KHDC1: variants seen among roughly 807,000 people sequenced by gnomAD.
The protein encoded by KHDC1 is KH homology domain-containing protein 1.
KHDC1 carries 21 observed loss-of-function variants against 24.7 expected under a neutral mutation model. The observed-to-expected ratio is 0.85, with a 90% CI of 0.60 to 1.23. The LOEUF (loss-of-function observed/expected upper bound fraction) is 1.23. Among genes scored for constraint, KHDC1 ranks in the 50% most tolerant of loss-of-function variants. The pLI is 0.00. For missense variants in KHDC1, 274 were observed against 298.5 expected (o/e 0.92, Z 0.61); for synonymous variants, 98 against 111.7 (o/e 0.88, Z 0.77).
chr6:73,251,079 G>A (rs545466110), intron 2 of KHDC1, among the ~76,000 whole-genome samples: 170 of 152,092 alleles, frequency 1.1e-3, no homozygotes, highest in African/African-American at 3.6e-3. Flanking sequence ...TGCCCGCCTC[G>A]GCCTCCCAAA....
intron 2 of KHDC1, among the ~76,000 whole-genome samples, chr6:73,271,703 G>A (rs1304072832): frequency 6.6e-6 from 1 of 150,728 alleles, no homozygotes; most frequent in Non-Finnish European, 1.5e-5. Flanking sequence ...AGACCAGCCT[G>A]GCCAACATGG....
chr6:73,245,435 G>A (rs1351553641), intron 2 of KHDC1, among the ~76,000 whole-genome samples: 1 of 152,150 alleles, frequency 6.6e-6, no homozygotes, highest in African/African-American at 2.4e-5. Context: ...TTAAAAGCTA[G>A]ATGCATCAAA....
chr6:73,291,999 T>A, exon 2 of KHDC1: 1 of 1,613,978 alleles, frequency 6.2e-7, no homozygotes. Context: ...ATCACGCACC[T>A]TTTGGATCGG....
intron 2 of KHDC1, 152 bp from the exon 1 acceptor site, chr6:73,263,348 G>A (rs1449353093): frequency 1.1e-6 from 1 of 922,926 alleles, no homozygotes; most frequent in Non-Finnish European, 1.3e-6. Flanking sequence ...AAGGGTGGGA[G>A]GAGGGACGAG....
intron 2 of KHDC1, among the ~76,000 whole-genome samples, chr6:73,289,533 C>T (rs918882396): frequency 2.6e-5 from 4 of 151,834 alleles, no homozygotes; most frequent in Non-Finnish European, 4.4e-5. Flanking sequence ...TGCCTGTAAT[C>T]CCAGCTACTC....
rs115837376 is a variant in KHDC1, at chr6:73,303,529, C to A, written c.163+6023G>T. Among the ~76,000 whole-genome samples, 662 of 152,308 alleles carry A rather than the reference C, an allele frequency of 4.3e-3. 7 individuals carry two copies. Among genetic ancestry groups the A allele is most frequent in the African/African-American group, 0.015 (644 of 41,558 alleles). On this transcript the variant is annotated intron_variant, in intron 1 of 4. Coordinates refer to ENST00000370384, the Ensembl canonical transcript of KHDC1. The stretch of plus-strand genomic sequence containing the variant: ...ACAAGTTTTCAGTAAAGAACACAAG[C>A]AATTTCCTAGCCAAGTGATCAAAAT...
At position 73,264,042 on chromosome 6, in the gene KHDC1, T is replaced by A. The variant is rs910747241; in HGVS notation, c.207-21512A>T. Among the ~76,000 whole-genome samples, 9 of 152,142 alleles carry A rather than the reference T, an allele frequency of 5.9e-5. 1 individual carries two copies. Among genetic ancestry groups the A allele is most frequent in the African/African-American group, 1.9e-4 (8 of 41,504 alleles). On this transcript the variant is annotated intron_variant, in intron 2 of 4. Coordinates refer to ENST00000370384, the Ensembl canonical transcript of KHDC1. ...AGGGAGAACTTGTCTCTACAAAAAA[T>A]TTAAAAATCAGCTGGGCATGGTGGT...
chr6:73,257,535 A>T (rs989513387), intron 2 of KHDC1, among the ~76,000 whole-genome samples: 2 of 152,034 alleles, frequency 1.3e-5, no homozygotes, highest in Non-Finnish European at 2.9e-5. Flanking sequence ...AGTAGCTGGG[A>T]CTACAGGTGC....
intron 2 of KHDC1, among the ~76,000 whole-genome samples, chr6:73,267,845 T>G (rs926116751): frequency 1.8e-4 from 27 of 152,064 alleles, no homozygotes; most frequent in African/African-American, 6.3e-4. Context: ...TCAGCCTTTT[T>G]TTTTTTCTGA....
At chr6:73,309,814 C>A in exon 1 of KHDC1, 2 of 1,399,128 alleles carry the variant, frequency 1.4e-6, no homozygotes, top group Non-Finnish European at 1.9e-6. Context: ...GACCAGACAC[C>A]GACGGAGAAG....
chr6:73,274,087 A>G (rs1275608605), intron 2 of KHDC1: 1 of 152,250 alleles, frequency 6.6e-6, no homozygotes, highest in Non-Finnish European at 1.5e-5. Context: ...CCTGGGTGAC[A>G]GAGTGAGACC....
At chr6:73,273,632 C>T (rs62438233) in intron 2 of KHDC1, among the ~76,000 whole-genome samples, 41,785 of 150,836 alleles carry the variant, frequency 0.28, 6,398 homozygotes, top group African/African-American at 0.41. Flanking sequence ...CTGGCTAACA[C>T]GGTGAAACCC....
rs553948151 is a variant in KHDC1 at position 73,256,817 on chromosome 6, C to T, written c.207-14287G>A. On this transcript the variant is annotated intron_variant, in intron 2 of 4. Coordinates refer to ENST00000370384, the Ensembl canonical transcript of KHDC1. ...GTCTAACTAGTAAATGGAGTTTGAA[C>T]TGGAACCCAACTCTCCTCATGCTAA... Among the ~76,000 whole-genome samples, 98 of 152,312 alleles carry T rather than the reference C, an allele frequency of 6.4e-4. 1 individual carries two copies. The highest frequency in any genetic ancestry group is 2.2e-3 in the African/African-American group (92 of 41,568).
intron 2 of KHDC1, among the ~76,000 whole-genome samples, chr6:73,252,636 C>G (rs1435308840): frequency 6.6e-6 from 1 of 151,712 alleles, no homozygotes; most frequent in Non-Finnish European, 1.5e-5. Flanking sequence ...CATGGCAAAA[C>G]CCCATTTCTT....
At chr6:73,246,637 A>G (rs1188515026) in intron 2 of KHDC1, among the ~76,000 whole-genome samples, 1 of 152,220 alleles carries the variant, frequency 6.6e-6, no homozygotes, top group Non-Finnish European at 1.5e-5. Flanking sequence ...CTTAACAGTT[A>G]TATGCCAGTC....
intron 1 of KHDC1, among the ~76,000 whole-genome samples, chr6:73,302,648 T>C (rs138412446): frequency 3.2e-4 from 49 of 152,374 alleles, no homozygotes; most frequent in African/African-American, 1.1e-3. Flanking sequence ...ACCATTCTGA[T>C]GGTTACGACG....
exon 1 of KHDC1, chr6:73,309,762 G>A (rs1205626822): frequency 1.3e-6 from 2 of 1,534,112 alleles, no homozygotes; most frequent in Non-Finnish European, 8.8e-7. Flanking sequence ...GGCACGAGTA[G>A]TACAGCTCCT....
chr6:73,276,485 T>A, intron 2 of KHDC1: 1 of 127,898 alleles, frequency 7.8e-6, no homozygotes, highest in African/African-American at 2.8e-5. Context: ...AAACTTCATC[T>A]CAAAAAAAGA....
chr6:73,267,064 C>T (rs1448726570), intron 2 of KHDC1, among the ~76,000 whole-genome samples: 3 of 152,048 alleles, frequency 2.0e-5, no homozygotes, highest in Non-Finnish European at 4.4e-5. Flanking sequence ...GACATTTCTC[C>T]AAAGACGATA....
Sources: gnomAD v4.1 joint callset for allele counts (sites outside exome capture counted in the v4.1 genomes callset) on GRCh38, gnomAD v4.1.1 for gene constraint, MANE v1.5 for transcripts, NCBI Gene and HGNC (gene_info 2026-07-23, HGNC 2026-07-21) for gene names.